Variants in PKD2L1 observed in about 807,000 individuals in gnomAD.
PKD2L1 encodes the protein polycystin 2 like 1, transient receptor potential cation channel, also known as polycystin-2-like protein 1.
PKD2L1 carries 77 observed loss-of-function variants against 93.0 expected under a neutral mutation model. That is an observed-to-expected ratio of 0.83 (90% confidence interval 0.69 to 1.00). PKD2L1 has a LOEUF of 1.00. PKD2L1 is among the 50% of genes least tolerant of loss of function. The pLI is 0.00. For missense variants in PKD2L1, 977 were observed against 990.9 expected (o/e 0.99, Z 0.19); for synonymous variants, 390 against 388.0 (o/e 1.01, Z -0.06).
intron 11 of PKD2L1, 101 bp downstream of exon 11, chr10:100,292,847 C>G: frequency 8.7e-6 from 11 of 1,259,474 alleles, no homozygotes; most frequent in Non-Finnish European, 1.2e-5. Context: ...GATCAGAGGC[C>G]CCTAAACTAA....
intron 1 of PKD2L1, 128 bp downstream of exon 1, chr10:100,329,741 C>T: frequency 4.5e-6 from 3 of 671,594 alleles, no homozygotes; most frequent in Non-Finnish European, 7.7e-6. Flanking sequence ...GCAATTCATA[C>T]ACCCCAAAGT....
In PKD2L1 at chr10:100,297,202, C is replaced by T. The variant is rs2134382577; in HGVS notation, c.963G>A (p.Val321=). 1.2e-6 allele frequency: 2 copies of T among 1,613,630 alleles called. No individual in the cohort carries two copies. The highest frequency in any genetic ancestry group is 1.7e-6 in the Non-Finnish European group (2 of 1,179,862). ...CACCTCCTGTAGCTGGAAACTCCAC[C>T]ACCAGCCTATAGGGGGAGGGGGAGA... ...NINLFCVLRL[V]VEFPATGGAI... The change falls in exon 6 of 16, where the codon GTG becomes GTA. Residue 321 remains valine, a synonymous_variant. Coordinates refer to ENST00000318222, the MANE Select transcript of PKD2L1 (RefSeq NM_016112.3).
At chr10:100,312,698 G>C (rs1051784223) in intron 2 of PKD2L1, among the ~76,000 whole-genome samples, 14 of 152,124 alleles carry the variant, frequency 9.2e-5, no homozygotes, top group African/African-American at 3.4e-4. Context: ...TCCAGGGAGA[G>C]CAAAGCAATT....
At position 100,294,659 on chromosome 10, in the gene PKD2L1, A is replaced by C; in HGVS notation, c.1539-4T>G. 1 of 1,614,110 alleles carries C rather than the reference A, an allele frequency of 6.2e-7. No homozygotes were observed. The highest frequency in any genetic ancestry group is 8.5e-7 in the Non-Finnish European group (1 of 1,180,016). ...GATTATCCGGAACTGAGTGAAACTG[A>C]GAGACCAGGTCTGGGCTTTACCCAG... On this transcript the variant is annotated splice_polypyrimidine_tract_variant and splice_region_variant and intron_variant, in intron 8 of 15. Coordinates refer to ENST00000318222, the MANE Select transcript of PKD2L1 (RefSeq NM_016112.3).
At position 100,288,395 on chromosome 10, in the gene PKD2L1, C is replaced by G; in HGVS notation, c.*1G>C. On this transcript the variant is annotated 3_prime_UTR_variant, in exon 16 of 16. Coordinates refer to ENST00000318222, the MANE Select transcript of PKD2L1 (RefSeq NM_016112.3). ...GACTTTGCTCCGGGAGTGCCTCACA[C>G]TTAACTCCTCTGCAACGTTGGAATC... The G allele has an allele frequency of 1.9e-6, 3 of 1,603,336 alleles. No individual in the cohort carries two copies. The highest frequency in any genetic ancestry group is 2.6e-6 in the Non-Finnish European group (3 of 1,170,096).
chr10:100,290,451 A>G lies in PKD2L1; in HGVS notation c.2076T>C (p.Gly692=). The change falls in exon 13 of 16, where the codon GGT becomes GGC. Residue 692 remains glycine (G), a synonymous_variant. Transcript: ENST00000318222. ...AGCCTCCTGCTCTGGCAGCCTCTGGACCCGATTTGCCTTGTGGGCTGCTCA... is the reference window on the plus strand; with the variant it reads ...AGCCTCCTGCTCTGGCAGCCTCTGGGCCCGATTTGCCTTGTGGGCTGCTCA... The part of the protein sequence containing the change: ...SIVSSPQGKS[G]PEAARAGGWV... The G allele has an allele frequency of 6.2e-7, 1 of 1,613,722 alleles. No homozygotes were observed. The highest frequency in any genetic ancestry group is 8.5e-7 in the Non-Finnish European group (1 of 1,179,984).
Position 100,288,428 on chromosome 10 carries a change from G to A in PKD2L1, c.2386C>T (p.Arg796Cys), listed in dbSNP as rs151301902. 259 of 1,612,604 alleles carry A rather than the reference G, an allele frequency of 1.6e-4. No individual in the cohort carries two copies. Among genetic ancestry groups the A allele is most frequent in the Non-Finnish European group, 2.0e-4 (230 of 1,178,774 alleles). The change falls in exon 16 of 16, where the codon CGT (arginine) becomes TGT (cysteine). Residue 796 changes from arginine (R) to cysteine (C), a missense_variant. Arg to Cys is a radical substitution (Grantham distance 180, BLOSUM62 -3). Coordinates refer to ENST00000318222, the MANE Select transcript of PKD2L1 (RefSeq NM_016112.3). The part of the protein sequence containing the change: ...EEALEERRLS[R>C]GEIPTLQRS ...CTCTGCAACGTTGGAATCTCACCAC[G>A]GGAGAGTCTCCTCTCCTCTAAGGCT...
chr10:100,292,818 T>A, intron 11 of PKD2L1, 130 bp downstream of exon 11: 1 of 937,770 alleles, frequency 1.1e-6, no homozygotes, highest in Non-Finnish European at 1.6e-6. Context: ...CGGGCAAAGA[T>A]CTGAAGCCTG....
intron 2 of PKD2L1, among the ~76,000 whole-genome samples, chr10:100,302,967 G>A (rs1375619903): frequency 6.6e-6 from 1 of 152,018 alleles, no homozygotes; most frequent in Non-Finnish European, 1.5e-5. Flanking sequence ...GGAACAAAAG[G>A]GCATTATGTC....
chr10:100,308,020 T>A (rs1356898399), intron 2 of PKD2L1, among the ~76,000 whole-genome samples: 2 of 152,178 alleles, frequency 1.3e-5, no homozygotes, highest in African/African-American at 4.8e-5. Context: ...AGGAAATCTT[T>A]GGAGACTGGA....
chr10:100,315,669 G>C (rs1314748986), intron 2 of PKD2L1, among the ~76,000 whole-genome samples: 1 of 152,134 alleles, frequency 6.6e-6, no homozygotes, highest in Non-Finnish European at 1.5e-5. Flanking sequence ...TTCTTTGTAG[G>C]GGAAAGGGGG....
intron 2 of PKD2L1, among the ~76,000 whole-genome samples, chr10:100,322,230 C>G (rs1376784535): frequency 6.6e-6 from 1 of 151,754 alleles, no homozygotes; most frequent in Non-Finnish European, 1.5e-5. Context: ...AAAACAACAA[C>G]AACAACAACA....
At chr10:100,289,902 A>G (rs1443777980) in intron 14 of PKD2L1, 113 bp downstream of exon 14, 4 of 1,195,330 alleles carry the variant, frequency 3.3e-6, no homozygotes, top group Non-Finnish European at 4.9e-6. Context: ...ATGTTTCCCC[A>G]GGAGCCTGAA....
chr10:100,316,534 T>C (rs1849105445), intron 2 of PKD2L1, among the ~76,000 whole-genome samples: 1 of 152,232 alleles, frequency 6.6e-6, no homozygotes. Context: ...TAAGACTTCA[T>C]AAATGTTTGA....
rs1407051183 is a variant in PKD2L1 at position 100,291,436 on chromosome 10, AG to A, written c.1881-10del. The A allele has an allele frequency of 1.2e-6, 2 of 1,613,612 alleles. No homozygotes were observed. Among genetic ancestry groups the A allele is most frequent in the Non-Finnish European group, 1.7e-6 (2 of 1,179,802 alleles). On this transcript the variant is annotated splice_polypyrimidine_tract_variant and intron_variant, in intron 11 of 15. Coordinates refer to ENST00000318222, the MANE Select transcript of PKD2L1 (RefSeq NM_016112.3). ...GCTCTGCGTGTCCCAGTCTGAGAAG[AG>A]GATGATGAAATGATTTCTGCCCAGC...
At chr10:100,290,180 G>A in intron 13 of PKD2L1, 42 bp from the exon 14 acceptor site, 1 of 1,611,794 alleles carries the variant, frequency 6.2e-7, no homozygotes, top group East Asian at 2.2e-5. Context: ...AGAAATCTGT[G>A]TCTGGGGGCT....
rs1464936199 is a variant in PKD2L1, at chr10:100,315,087, AAGGGAAGGGAAGGGAAGGGAAGGGAAGGG to A, written c.349+14095_349+14123del. On this transcript the variant is annotated intron_variant, in intron 2 of 15. Coordinates refer to ENST00000318222, the MANE Select transcript of PKD2L1 (RefSeq NM_016112.3). ...AAGGGAAGGGAAGGGAAGGGAAGGG[AAGGGAAGGGAAGGGAAGGGAAGGGAAGGG>A]AAGAGAAAACAGTTGAAATGATTAT... Among the ~76,000 whole-genome samples, 18 of 74,150 alleles carry A rather than the reference AAGGGAAGGGAAGGGAAGGGAAGGGAAGGG, an allele frequency of 2.4e-4. 3 individuals carry two copies. The highest frequency in any genetic ancestry group is 9.0e-4 in the African/African-American group (18 of 19,974). 48.6% of individuals were successfully genotyped at this position (74,150 alleles called of 152,430 possible).
In PKD2L1 at chr10:100,297,418, A is replaced by G; in HGVS notation, c.920T>C (p.Val307Ala). The G allele has an allele frequency of 6.2e-7, 1 of 1,614,088 alleles. No homozygotes were observed. Among genetic ancestry groups the G allele is most frequent in the Non-Finnish European group, 8.5e-7 (1 of 1,179,984 alleles). The stretch of plus-strand genomic sequence containing the variant: ...GAAAAGATTGATATTGGCATTGTAG[A>G]CTGAGAAGTCGATGAACACCACTCG... Reference protein sequence around the residue: ...GTRVVFIDFSVYNANINLFCV... With the variant: ...GTRVVFIDFSAYNANINLFCV... Residue 307 changes from valine (V) to alanine (A), a missense_variant, in exon 5 of 16, where the codon GTC becomes GCC. By Grantham distance (64) the Val-to-Ala change is moderately conservative (BLOSUM62 0). Transcript: ENST00000318222.
intron 2 of PKD2L1, among the ~76,000 whole-genome samples, chr10:100,327,267 T>C (rs1390143472): frequency 2.6e-5 from 4 of 152,166 alleles, no homozygotes; most frequent in Non-Finnish European, 2.9e-5. Context: ...ATGGGAAGGA[T>C]CACAGAGAAA....
Sources: allele counts gnomAD v4.1 joint callset (sites outside exome capture counted in the v4.1 genomes callset), GRCh38; gene constraint gnomAD v4.1.1; transcripts MANE v1.5; gene names NCBI Gene and HGNC (gene_info 2026-07-23, HGNC 2026-07-21).